ATP11A: variants seen among roughly 807,000 people sequenced by gnomAD.
The protein encoded by ATP11A is ATPase phospholipid transporting 11A.
ATP11A carries 81 observed loss-of-function variants against 154.4 expected under a neutral mutation model. That is an observed-to-expected ratio of 0.52 (90% CI 0.44 to 0.63). The LOEUF is 0.63. Among genes scored for constraint, ATP11A ranks in the 30% least tolerant of loss-of-function variants. ATP11A has a pLI of 0.00. For missense variants in ATP11A, 1,316 were observed against 1,474.3 expected (o/e 0.89, Z 1.76); for synonymous variants, 623 against 585.9 (o/e 1.06, Z -0.91).
chr13:112,691,737 C>T, intron 1 of ATP11A, among the ~76,000 whole-genome samples: 1 of 152,114 alleles, frequency 6.6e-6, no homozygotes, highest in East Asian at 1.9e-4. Flanking sequence ...AAATAGGAGA[C>T]CTTGGCCAAA....
intron 27 of ATP11A, among the ~76,000 whole-genome samples, chr13:112,874,104 G>A (rs2080637610): frequency 1.3e-5 from 2 of 152,248 alleles, no homozygotes; most frequent in Admixed American, 1.3e-4. Context: ...GACAGGTCCT[G>A]TCTCACTCCA....
intron 1 of ATP11A, among the ~76,000 whole-genome samples, chr13:112,724,280 C>G (rs1889570606): frequency 6.6e-6 from 1 of 151,838 alleles, no homozygotes; most frequent in Admixed American, 6.6e-5. Flanking sequence ...AGACGGCCTG[C>G]TTCAGACACA....
chr13:112,734,844 A>G (rs1028281200), intron 1 of ATP11A, among the ~76,000 whole-genome samples: 3 of 152,160 alleles, frequency 2.0e-5, no homozygotes, highest in Non-Finnish European at 4.4e-5. Flanking sequence ...CAACCCCAAA[A>G]GGTAAGCATG....
Position 112,878,418 on chromosome 13 carries a change from G to A in ATP11A, c.*9+115G>A, listed in dbSNP as rs1240344569. 4 of 1,117,664 alleles carry A rather than the reference G, an allele frequency of 3.6e-6. No homozygotes were observed. The East Asian group carries it at 9.6e-5, about 27-fold the overall frequency. The allele number at this position is 1,117,664 out of a possible 1,614,324, so 69.2% of individuals were successfully genotyped here. A position where few individuals can be genotyped will look rare whatever the true frequency, so the allele number is the denominator to read the frequency against. On this transcript the variant is annotated intron_variant, in intron 29 of 29. Transcript: ENST00000375645. ...CTGACGCAGCGTCCACCAGGCGCTG[G>A]GTACAGCAGCCTCACGTCGGGAAGT...
At chr13:112,800,238 C>T (rs575258695) in intron 2 of ATP11A, among the ~76,000 whole-genome samples, 24 of 149,386 alleles carry the variant, frequency 1.6e-4, no homozygotes, top group African/African-American at 5.9e-4. Context: ...TCAATAAAAT[C>T]AATAAAACTT....
At chr13:112,769,075 G>T (rs947507346) in intron 1 of ATP11A, among the ~76,000 whole-genome samples, 2 of 152,142 alleles carry the variant, frequency 1.3e-5, no homozygotes, top group African/African-American at 4.8e-5. Context: ...TGCTATGGGG[G>T]GAAGGTTTGC....
rs182167699 is a variant in ATP11A, at chr13:112,818,249, C to T, written c.571-1055C>T. ...GGTGACGGGGCGGTGACCGTTGGTG[C>T]GCTTGGTGACGGGGCGATGACCGTT... On this transcript the variant is annotated intron_variant, in intron 6 of 29. Coordinates refer to ENST00000375645, the MANE Select transcript of ATP11A (RefSeq NM_015205.3). 7.3e-3 allele frequency among the ~76,000 whole-genome samples: 1,048 copies of T among 143,800 alleles called. 22 individuals carry two copies. The highest frequency in any genetic ancestry group is 0.025 in the African/African-American group (955 of 37,852). 94.3% of individuals were successfully genotyped at this position (143,800 alleles called of 152,430 possible).
In ATP11A at chr13:112,858,164, C is replaced by G; in HGVS notation, c.2541C>G (p.Gly847=). The G allele has an allele frequency of 6.2e-7, 1 of 1,613,698 alleles. No homozygotes were observed. The highest frequency in any genetic ancestry group is 8.5e-7 in the Non-Finnish European group (1 of 1,179,828). ...HVGIGVIGKE[G]RQAARNSDYA... is the part of the protein sequence containing the mutation. ...TTCTAGGTGTCATCGGCAAGGAAGG[C>G]CGCCAGGCTGCCAGGAACAGCGACT... The change falls in exon 22 of 30, where the codon GGC becomes GGG. Residue 847 remains glycine, a synonymous_variant. Coordinates refer to ENST00000375645, the MANE Select transcript of ATP11A (RefSeq NM_015205.3).
chr13:112,878,854 A>G (rs943672019), intron 29 of ATP11A, among the ~76,000 whole-genome samples: 4 of 152,132 alleles, frequency 2.6e-5, no homozygotes, highest in Non-Finnish European at 1.5e-5. Context: ...TGAGCCACAC[A>G]ACTGGAGACA....
chr13:112,853,186 C>A (rs1267964045), intron 18 of ATP11A, among the ~76,000 whole-genome samples: 1 of 152,046 alleles, frequency 6.6e-6, no homozygotes, highest in Non-Finnish European at 1.5e-5. Flanking sequence ...TACCACTGTA[C>A]CCTAGCCTGG....
intron 23 of ATP11A, 74 bp from the exon 24 acceptor site, chr13:112,860,213 A>G (rs2080061197): frequency 6.5e-7 from 1 of 1,530,024 alleles, no homozygotes; most frequent in South Asian, 1.2e-5. Flanking sequence ...GAAAGAAAAT[A>G]TATTTAATCA....
chr13:112,795,023 C>G (rs574754316), intron 2 of ATP11A, among the ~76,000 whole-genome samples: 2 of 152,144 alleles, frequency 1.3e-5, no homozygotes, highest in African/African-American at 4.8e-5. Context: ...GCAGGTGGAT[C>G]ACCTGAAGTC....
intron 13 of ATP11A, among the ~76,000 whole-genome samples, chr13:112,832,421 G>A (rs1199636090): frequency 7.2e-5 from 11 of 152,324 alleles, no homozygotes; most frequent in South Asian, 2.1e-4. Context: ...CACAGGTCAC[G>A]CCTAGTCTAA....
chr13:112,692,278 ACT>A (rs1351810885), intron 1 of ATP11A, among the ~76,000 whole-genome samples: 1 of 152,094 alleles, frequency 6.6e-6, no homozygotes, highest in Non-Finnish European at 1.5e-5. Context: ...CCCTTCTAAC[ACT>A]CAGTGTTAAA....
In ATP11A at chr13:112,856,015, T is replaced by A; in HGVS notation, c.2348T>A (p.Leu783His). 1 of 1,614,166 alleles carries A rather than the reference T, an allele frequency of 6.2e-7. No homozygotes were observed. The highest frequency in any genetic ancestry group is 1.1e-5 in the South Asian group (1 of 91,082). The change falls in exon 20 of 30, where the codon CTC (leucine) becomes CAC (histidine). Residue 783 changes from leucine (L) to histidine (H), a missense_variant. Leu to His is a moderately conservative substitution (Grantham distance 99). Around this residue, in one of 5 missense-constraint regions of ATP11A, gnomAD observed 876 missense variants for 1,006.8 expected, o/e 0.87. Transcript: ENST00000375645. The part of the protein sequence containing the change: ...EDGSSGNYRE[L>H]FLEICRSCSA... Reference sequence around the variant, plus strand: ...GGGAGTTCCGGCAACTACAGGGAGCTCTTCCTGGAAATCTGCCGGAGCTGC... The same window carrying A: ...GGGAGTTCCGGCAACTACAGGGAGCACTTCCTGGAAATCTGCCGGAGCTGC...
At position 112,690,628 on chromosome 13, in the gene ATP11A, A is replaced by T. The variant is rs1885042447; in HGVS notation, c.39+173A>T. Among the ~76,000 whole-genome samples the T allele has an allele frequency of 6.6e-6, 1 of 151,556 alleles. No homozygotes were observed. The highest frequency in any genetic ancestry group is 2.0e-4 in the East Asian group (1 of 5,042). On this transcript the variant is annotated intron_variant, in intron 1 of 29. Coordinates refer to ENST00000375645, the MANE Select transcript of ATP11A (RefSeq NM_015205.3). The surrounding 1 kb of genome is among the most constrained non-coding windows in gnomAD (Gnocchi z 5.6). Reference sequence around the variant, plus strand: ...ATGCTGGGGAGGGGCCTCGGAGTTGACACCCTGGGGCTTCCGACGGGGTCT... The same window carrying T: ...ATGCTGGGGAGGGGCCTCGGAGTTGTCACCCTGGGGCTTCCGACGGGGTCT...
chr13:112,766,201 C>T (rs1038813924), intron 1 of ATP11A, among the ~76,000 whole-genome samples: 2 of 151,934 alleles, frequency 1.3e-5, no homozygotes, highest in African/African-American at 2.4e-5. Flanking sequence ...CAATCTCTGC[C>T]TCTCCATGCA....
At chr13:112,738,368 C>T (rs1891200563) in intron 1 of ATP11A, among the ~76,000 whole-genome samples, 1 of 140,966 alleles carries the variant, frequency 7.1e-6, no homozygotes, top group African/African-American at 3.0e-5. Flanking sequence ...AGTGAAACAC[C>T]GTCTCAAAAA....
chr13:112,774,413 G>A (rs1414732164), intron 1 of ATP11A, among the ~76,000 whole-genome samples: 1 of 152,192 alleles, frequency 6.6e-6, no homozygotes, highest in Non-Finnish European at 1.5e-5. Flanking sequence ...CCTGGGCCCT[G>A]TTTATTATAT....
Sources: allele counts gnomAD v4.1 joint callset (sites outside exome capture counted in the v4.1 genomes callset), GRCh38; gene constraint gnomAD v4.1.1; regional missense constraint gnomAD v4.1.1; non-coding constraint Gnocchi (gnomAD v3.1); transcripts MANE v1.5; gene names NCBI Gene and HGNC (gene_info 2026-07-23, HGNC 2026-07-21).